Variants in LRRIQ3 observed in about 807,000 individuals in gnomAD.
The protein encoded by LRRIQ3 is leucine rich repeats and IQ motif containing 3.
In LRRIQ3, 75 loss-of-function variants were observed where a neutral mutation model predicts 59.3. That is an observed-to-expected ratio of 1.26 (90% CI 1.05 to 1.53). LRRIQ3 has a LOEUF of 1.53. Among genes scored for constraint, LRRIQ3 ranks in the 40% most tolerant of loss-of-function variants. The pLI, the probability that LRRIQ3 is intolerant of heterozygous loss-of-function variation, is 0.00. For synonymous variants in LRRIQ3, 250 were observed against 231.3 expected (o/e 1.08, Z -0.73); for missense variants, 831 against 710.0 (o/e 1.17, Z -1.94).
intron 3 of LRRIQ3, among the ~76,000 whole-genome samples, chr1:74,167,379 C>G (rs1335177454): frequency 4.6e-5 from 7 of 151,768 alleles, no homozygotes; most frequent in Non-Finnish European, 7.4e-5. Context: ...ATCGTATGTT[C>G]TCACTCACAG....
At chr1:74,157,121 C>A (rs1477062741) in intron 3 of LRRIQ3, among the ~76,000 whole-genome samples, 1 of 152,026 alleles carries the variant, frequency 6.6e-6, no homozygotes, top group East Asian at 1.9e-4. Flanking sequence ...TGTCTTTATT[C>A]TATTCCCAAC....
intron 1 of LRRIQ3, among the ~76,000 whole-genome samples, chr1:74,190,930 A>C (rs1403403844): frequency 6.6e-6 from 1 of 152,106 alleles, no homozygotes; most frequent in Non-Finnish European, 1.5e-5. Flanking sequence ...AACCCCTTTC[A>C]CTTGGTTCTC....
intron 6 of LRRIQ3, among the ~76,000 whole-genome samples, chr1:74,050,872 A>G (rs1230196567): frequency 3.3e-5 from 5 of 152,160 alleles, no homozygotes; most frequent in African/African-American, 1.2e-4. Flanking sequence ...ATTTCTTCCT[A>G]TTTTCTTAGT....
chr1:74,073,075 A>G (rs1655071774), intron 6 of LRRIQ3, among the ~76,000 whole-genome samples: 1 of 152,134 alleles, frequency 6.6e-6, no homozygotes, highest in Admixed American at 6.6e-5. Flanking sequence ...AAATATTATC[A>G]ATGTTTTTAC....
intron 6 of LRRIQ3, among the ~76,000 whole-genome samples, chr1:74,059,916 T>C (rs1419438227): frequency 6.6e-6 from 1 of 152,110 alleles, no homozygotes; most frequent in Non-Finnish European, 1.5e-5. Context: ...CTAGTTATTT[T>C]ATTCTTTTTT....
chr1:74,191,041 T>A (rs1208465561), intron 1 of LRRIQ3, among the ~76,000 whole-genome samples: 1 of 152,138 alleles, frequency 6.6e-6, no homozygotes, highest in East Asian at 1.9e-4. Context: ...CTAAACCTCT[T>A]TTTCTTTATA....
intron 1 of LRRIQ3, among the ~76,000 whole-genome samples, chr1:74,185,929 G>A (rs1208484142): frequency 1.3e-5 from 2 of 151,746 alleles, no homozygotes; most frequent in East Asian, 3.9e-4. Flanking sequence ...AAAAGTCCTT[G>A]AAAAACCAAC....
At chr1:74,087,024 A>G (rs1646334087) in intron 5 of LRRIQ3, among the ~76,000 whole-genome samples, 1 of 152,100 alleles carries the variant, frequency 6.6e-6, no homozygotes, top group Non-Finnish European at 1.5e-5. Context: ...TAGCAATCCT[A>G]ACATTTGGTT....
chr1:74,191,360 T>C (rs1650758248), intron 1 of LRRIQ3, among the ~76,000 whole-genome samples: 1 of 152,058 alleles, frequency 6.6e-6, no homozygotes, highest in African/African-American at 2.4e-5. Context: ...AGAAAGAGTG[T>C]TGGGAAAGGA....
intron 6 of LRRIQ3, among the ~76,000 whole-genome samples, chr1:74,042,905 G>A (rs1229833321): frequency 6.6e-6 from 1 of 152,026 alleles, no homozygotes; most frequent in Non-Finnish European, 1.5e-5. Context: ...AGATGAGAAT[G>A]AAACCCCAAA....
At chr1:74,050,407 T>C (rs1433450791) in intron 6 of LRRIQ3, 1 of 487,868 alleles carries the variant, frequency 2.0e-6, no homozygotes, top group East Asian at 1.5e-4. Flanking sequence ...TATGTACCTC[T>C]CAACTTAAGA....
rs1646662068 is a variant in LRRIQ3, at chr1:74,109,550, A to AG, written c.710dup (p.Val238CysfsTer14). On this transcript the variant is annotated frameshift_variant, in exon 5 of 8. Coordinates refer to ENST00000354431, the MANE Select transcript of LRRIQ3 (RefSeq NM_001105659.2). LOFTEE classifies it high-confidence loss of function. ...GCTGTTTTTTTTTGTGGAAAAACAC[A>AG]GGGCTGAATATAAGGGGAGGGGAAA... 6.4e-7 allele frequency: 1 copy of AG among 1,552,874 alleles called. No individual in the cohort carries two copies. Among genetic ancestry groups the AG allele is most frequent in the South Asian group, 1.3e-5 (1 of 78,964 alleles).
chr1:74,036,620 T>C (rs1029790707), intron 7 of LRRIQ3, among the ~76,000 whole-genome samples: 5 of 152,230 alleles, frequency 3.3e-5, no homozygotes, highest in African/African-American at 1.2e-4. Context: ...GTTTGTGTTA[T>C]TGCTGGTATT....
intron 3 of LRRIQ3, among the ~76,000 whole-genome samples, chr1:74,165,511 T>C (rs1025312209): frequency 6.6e-5 from 10 of 151,584 alleles, no homozygotes; most frequent in Non-Finnish European, 1.2e-4. Flanking sequence ...ATTTTTTACA[T>C]AGGTGATCAT....
At chr1:74,050,017 G>T (rs950088304) in intron 6 of LRRIQ3, among the ~76,000 whole-genome samples, 1 of 149,258 alleles carries the variant, frequency 6.7e-6, no homozygotes, top group Admixed American at 6.8e-5. Flanking sequence ...TCCGCCTCCC[G>T]GATTCAAGCA....
At position 74,026,063 on chromosome 1, in the gene LRRIQ3, T is replaced by C; in HGVS notation, c.*750A>G. The C allele has an allele frequency of 6.6e-6, 1 of 152,038 alleles. No individual in the cohort carries two copies. Among genetic ancestry groups the C allele is most frequent in the East Asian group, 1.9e-4 (1 of 5,192 alleles). The allele number at this position is 152,038 out of a possible 1,614,324, so 9.4% of individuals were successfully genotyped here. ...TATTTTTCAAATTTTCTACCATTGG[T>C]ATGTATTAAACAGACTTATGGTTAA... On this transcript the variant is annotated 3_prime_UTR_variant, in exon 8 of 8. Transcript: ENST00000354431.
chr1:74,138,613 A>T, intron 4 of LRRIQ3: 12 of 357,606 alleles, frequency 3.4e-5, no homozygotes, highest in Non-Finnish European at 4.3e-5. Context: ...GGCTGCTTTC[A>T]AGAAAGCAGC....
chr1:74,071,453 C>T (rs953086356), intron 6 of LRRIQ3, among the ~76,000 whole-genome samples: 15 of 152,086 alleles, frequency 9.9e-5, no homozygotes, highest in Admixed American at 3.3e-4. Context: ...CACTTGCCTC[C>T]GTTGGAAGTA....
chr1:74,068,104 A>T (rs1191698188), intron 6 of LRRIQ3, among the ~76,000 whole-genome samples: 3 of 152,026 alleles, frequency 2.0e-5, no homozygotes, highest in African/African-American at 7.2e-5. Flanking sequence ...AATAACTTGG[A>T]CTGCCATCAT....
Sources: allele counts gnomAD v4.1 joint callset (sites outside exome capture counted in the v4.1 genomes callset), GRCh38; gene constraint gnomAD v4.1.1; transcripts MANE v1.5; gene names NCBI Gene and HGNC (gene_info 2026-07-23, HGNC 2026-07-21).